Variants in SHOC2 observed in about 807,000 individuals in gnomAD.
SHOC2 encodes the protein leucine-rich repeat protein SHOC-2.
Under a neutral mutation model 50.2 loss-of-function variants are expected in SHOC2, and 4 were observed. The observed-to-expected ratio is 0.08, with a 90% CI of 0.04 to 0.18. SHOC2 has a LOEUF of 0.18. Ranked by LOEUF, SHOC2 falls within the 10% of genes least tolerant of loss-of-function variation. The pLI is 1.00. For synonymous variants in SHOC2, 218 were observed against 244.5 expected (o/e 0.89, Z 1.01); for missense variants, 388 against 669.6 (o/e 0.58, Z 4.64).
intron 1 of SHOC2, among the ~76,000 whole-genome samples, chr10:110,928,517 C>G (rs1846821883): frequency 6.6e-6 from 1 of 152,130 alleles, no homozygotes; most frequent in South Asian, 2.1e-4. Context: ...TGAGCCTGCA[C>G]TAGTTGTAAA....
At chr10:110,924,031 G>C (rs958795930) in intron 1 of SHOC2, among the ~76,000 whole-genome samples, 1 of 151,880 alleles carries the variant, frequency 6.6e-6, no homozygotes, top group Admixed American at 6.6e-5. Flanking sequence ...GTTTTTTTCA[G>C]TTTCCAGTTT....
intron 5 of SHOC2, among the ~76,000 whole-genome samples, chr10:111,006,402 G>A (rs186594911): frequency 4.7e-4 from 71 of 152,192 alleles, no homozygotes; most frequent in East Asian, 4.4e-3. Context: ...ACGGAGTCTC[G>A]CTCTGTCACC....
At chr10:110,954,739 G>A (rs7073594) in intron 1 of SHOC2, among the ~76,000 whole-genome samples, 14,420 of 152,224 alleles carry the variant, frequency 0.095, 1,039 homozygotes, top group East Asian at 0.24. Context: ...TAGATGGTCA[G>A]AGAAGGCTTT....
chr10:110,940,931 T>TGC (rs1564705810), intron 1 of SHOC2, among the ~76,000 whole-genome samples: 1 of 81,994 alleles, frequency 1.2e-5, no homozygotes, highest in Admixed American at 1.6e-4. Flanking sequence ...TTTTTTTTTT[T>TGC]TTTTTTTTTT....
intron 3 of SHOC2, among the ~76,000 whole-genome samples, chr10:110,997,200 A>C (rs1428357932): frequency 1.3e-5 from 2 of 152,254 alleles, no homozygotes; most frequent in African/African-American, 4.8e-5. Context: ...ATGTACAGGC[A>C]TATAATGCAA....
chr10:110,921,993 C>T (rs980406419), intron 1 of SHOC2, among the ~76,000 whole-genome samples: 1 of 151,468 alleles, frequency 6.6e-6, no homozygotes. Context: ...TTTAAACTAC[C>T]GTATTCAGAA....
intron 1 of SHOC2, among the ~76,000 whole-genome samples, chr10:110,959,732 T>C (rs1017644157): frequency 2.0e-5 from 3 of 152,224 alleles, no homozygotes; most frequent in Admixed American, 6.5e-5. Context: ...CTGGCAATGA[T>C]TGAACATTAG....
intron 1 of SHOC2, among the ~76,000 whole-genome samples, chr10:110,932,735 C>G (rs538156766): frequency 6.6e-6 from 1 of 152,136 alleles, no homozygotes; most frequent in South Asian, 2.1e-4. Context: ...AGCACTTACT[C>G]GACTTTTTTC....
chr10:111,002,003 G>A lies in SHOC2; in HGVS notation c.972+1458G>A, dbSNP rs559369110. 1.7e-3 allele frequency among the ~76,000 whole-genome samples: 263 copies of A among 151,616 alleles called. 3 individuals are homozygous for A. Among genetic ancestry groups the A allele is most frequent in the African/African-American group, 5.7e-3 (237 of 41,290 alleles). ...AGAGATTGCAGTGAGCCGAGGTGAC[G>A]CCACTGCAGTCCAGCCTGGGCAACA... On this transcript the variant is annotated intron_variant, in intron 4 of 8. Coordinates refer to ENST00000369452, the MANE Select transcript of SHOC2 (RefSeq NM_007373.4).
At chr10:110,941,707 A>G (rs867735016) in intron 1 of SHOC2, among the ~76,000 whole-genome samples, 5 of 152,290 alleles carry the variant, frequency 3.3e-5, no homozygotes, top group South Asian at 2.1e-4. Flanking sequence ...CTACCAGTCT[A>G]TATAACCTGT....
intron 1 of SHOC2, among the ~76,000 whole-genome samples, chr10:110,921,511 T>A (rs555554526): frequency 5.3e-5 from 8 of 152,140 alleles, no homozygotes; most frequent in Non-Finnish European, 1.0e-4. Flanking sequence ...GGGTACTGCA[T>A]TTTCCCAAGG....
intron 2 of SHOC2, among the ~76,000 whole-genome samples, chr10:110,973,098 A>T (rs937733186): frequency 6.6e-6 from 1 of 152,226 alleles, no homozygotes; most frequent in Non-Finnish European, 1.5e-5. Context: ...TAAGACAAGT[A>T]TAAATAATGT....
Position 111,012,869 on chromosome 10 carries a change from T to C in SHOC2, c.*1051T>C, listed in dbSNP as rs1488373301. On this transcript the variant is annotated 3_prime_UTR_variant, in exon 9 of 9. Coordinates refer to ENST00000369452, the MANE Select transcript of SHOC2 (RefSeq NM_007373.4). ...TATTTAACAGTGTACTATGGTTTTA[T>C]ATCTTGACTTGCCTTGTACATCTTT... The C allele has an allele frequency of 1.2e-4, 18 of 152,682 alleles. No individual in the cohort carries two copies. The highest frequency in any genetic ancestry group is 1.2e-3 in the Admixed American group (18 of 15,286). 9.5% of individuals were successfully genotyped at this position (152,682 alleles called of 1,614,324 possible). A position where few individuals can be genotyped will look rare whatever the true frequency, so the allele number is the denominator to read the frequency against.
chr10:110,935,993 A>G (rs963256346), intron 1 of SHOC2, among the ~76,000 whole-genome samples: 1 of 151,308 alleles, frequency 6.6e-6, no homozygotes, highest in Non-Finnish European at 1.5e-5. Context: ...ATCATCAAGT[A>G]TTTTCTTAAA....
intron 1 of SHOC2, among the ~76,000 whole-genome samples, chr10:110,932,699 C>T (rs780794108): frequency 4.6e-5 from 7 of 152,122 alleles, no homozygotes; most frequent in Non-Finnish European, 1.0e-4. Context: ...AAGGCTAATT[C>T]AGGTGCCTTC....
At chr10:110,970,344 G>A (rs1847756287) in intron 2 of SHOC2, among the ~76,000 whole-genome samples, 1 of 151,902 alleles carries the variant, frequency 6.6e-6, no homozygotes, top group African/African-American at 2.4e-5. Context: ...TGTCCTTCAG[G>A]CTCATTCATG....
At chr10:110,989,759 C>T (rs1169163426) in intron 3 of SHOC2, among the ~76,000 whole-genome samples, 1 of 152,118 alleles carries the variant, frequency 6.6e-6, no homozygotes, top group African/African-American at 2.4e-5. Context: ...TCCTAGTATA[C>T]TCTGGGCCAA....
chr10:110,964,983 A>G lies in SHOC2; in HGVS notation c.625A>G (p.Lys209Glu), dbSNP rs773741079. 2.5e-6 allele frequency: 4 copies of G among 1,613,750 alleles called. No individual in the cohort carries two copies. In the South Asian group the frequency reaches 3.3e-5, roughly 13 times the overall value. ...LRFNRITTVE[K>E]DIKNLSKLSM... The stretch of plus-strand genomic sequence containing the variant: ...CTTTAATCGTATAACTACTGTGGAA[A>G]AGGACATCAAAAACTTGTCAAAACT... The change falls in exon 2 of 9, where the codon AAG becomes GAG. Residue 209 changes from lysine to glutamate, a missense_variant. Coordinates refer to ENST00000369452, the MANE Select transcript of SHOC2 (RefSeq NM_007373.4). This position sits in a 1 kb window ranked among gnomAD's most constrained non-coding sequence, Gnocchi z 4.9.
intron 2 of SHOC2, among the ~76,000 whole-genome samples, chr10:110,974,387 CTGT>C (rs1339995374): frequency 6.6e-6 from 1 of 151,610 alleles, no homozygotes. Context: ...AGACTATATT[CTGT>C]TGTTTTTTGG....
Sources: gnomAD v4.1 joint callset for allele counts (sites outside exome capture counted in the v4.1 genomes callset) on GRCh38, gnomAD v4.1.1 for gene constraint, Gnocchi (gnomAD v3.1) non-coding constraint, MANE v1.5 for transcripts, NCBI Gene and HGNC (gene_info 2026-07-23, HGNC 2026-07-21) for gene names.